Variants in TMCO4 observed in about 807,000 individuals in gnomAD.
TMCO4 encodes the protein transmembrane and coiled-coil domain-containing protein 4.
In TMCO4, 58 loss-of-function variants were observed where a neutral mutation model predicts 64.7. The ratio of observed to expected loss-of-function variants is 0.90; its 90% confidence interval spans 0.73 to 1.12. The LOEUF (loss-of-function observed/expected upper bound fraction) is 1.12. Ranked by LOEUF, TMCO4 falls within the 50% of genes most tolerant of loss-of-function variation. The pLI, the probability that TMCO4 is intolerant of heterozygous loss-of-function variation, is 0.00. For synonymous variants in TMCO4, 325 were observed against 346.1 expected, an observed-to-expected ratio of 0.94 and a Z score of 0.68; for missense variants, 780 against 825.9, an observed-to-expected ratio of 0.94 and a Z score of 0.68.
At chr1:19,728,483 A>AT (rs1278159457) in intron 13 of TMCO4, among the ~76,000 whole-genome samples, 1 of 152,160 alleles carries the variant, frequency 6.6e-6, no homozygotes, top group South Asian at 2.1e-4. Context: ...GGCAGCTCTG[A>AT]TTTTCAAGGC....
At chr1:19,707,449 C>T (rs1397426296) in intron 13 of TMCO4, among the ~76,000 whole-genome samples, 2 of 152,184 alleles carry the variant, frequency 1.3e-5, no homozygotes, top group East Asian at 3.9e-4. Flanking sequence ...ATGGCAAAAC[C>T]CAGTCTCTAC....
intron 4 of TMCO4, among the ~76,000 whole-genome samples, chr1:19,777,044 A>AG (rs1557608574): frequency 6.6e-6 from 1 of 151,430 alleles, no homozygotes; most frequent in Non-Finnish European, 1.5e-5. Context: ...AAAAAAAAAA[A>AG]AAAAAGAAAA....
intron 15 of TMCO4, among the ~76,000 whole-genome samples, chr1:19,686,455 A>G (rs903908476): frequency 5.3e-5 from 8 of 152,310 alleles, no homozygotes; most frequent in African/African-American, 1.9e-4. Context: ...TGCAAATCAC[A>G]CTGTATTAAT....
chr1:19,750,119 C>T (rs1251267261), intron 7 of TMCO4: 1 of 152,176 alleles, frequency 6.6e-6, no homozygotes, highest in Non-Finnish European at 1.5e-5. Flanking sequence ...TCACTCTTTT[C>T]ATTATTATTG....
rs974390036 is a variant in TMCO4, at chr1:19,737,630, C to T, written c.1180-174G>A. Among the ~76,000 whole-genome samples, 10 of 152,226 alleles carry T rather than the reference C, an allele frequency of 6.6e-5. No individual in the cohort carries two copies. The South Asian group carries it at 8.3e-4, about 13-fold the overall frequency. ...GATGTCTTAATCAGCAGAGTCAGGA[C>T]CCTCATTTATGCAGGAGTGCACCTG... is the stretch of plus-strand genomic sequence containing the variant. On this transcript the variant is annotated intron_variant, in intron 12 of 15. Transcript: ENST00000294543.
chr1:19,754,602 G>T (rs531846733), intron 7 of TMCO4, among the ~76,000 whole-genome samples: 2 of 152,184 alleles, frequency 1.3e-5, no homozygotes, highest in Non-Finnish European at 2.9e-5. Flanking sequence ...CCTGGGAGAC[G>T]TGCCTGGTGC....
intron 13 of TMCO4, among the ~76,000 whole-genome samples, chr1:19,720,927 T>TCAG (rs1300783482): frequency 6.6e-6 from 1 of 152,012 alleles, no homozygotes; most frequent in Admixed American, 6.6e-5. Flanking sequence ...GGCTTGATGA[T>TCAG]CAGGGAATCT....
intron 14 of TMCO4, among the ~76,000 whole-genome samples, chr1:19,698,808 C>CAACAG (rs2095252962): frequency 6.6e-6 from 1 of 152,240 alleles, no homozygotes; most frequent in Admixed American, 6.5e-5. Context: ...CTCAGGTTCT[C>CAACAG]AACAGAACAG....
chr1:19,706,104 A>G (rs1460571734), intron 13 of TMCO4, among the ~76,000 whole-genome samples: 2 of 151,880 alleles, frequency 1.3e-5, no homozygotes, highest in African/African-American at 4.8e-5. Context: ...AGGTCTTGCT[A>G]TGTTGCCCAG....
intron 8 of TMCO4, among the ~76,000 whole-genome samples, chr1:19,746,923 CA>C (rs199888917): frequency 0.027 from 1,339 of 49,814 alleles, 8 homozygotes; most frequent in African/African-American, 0.052. Flanking sequence ...GATACTGTCT[CA>C]AAAAAAAAAA....
Position 19,743,044 on chromosome 1 carries a change from G to A in TMCO4, c.878-2103C>T, listed in dbSNP as rs1026001564. Among the ~76,000 whole-genome samples, 5 of 152,062 alleles carry A rather than the reference G, an allele frequency of 3.3e-5. No individual in the cohort carries two copies. The highest frequency in any genetic ancestry group is 2.0e-4 in the Admixed American group (3 of 15,282). On this transcript the variant is annotated intron_variant, in intron 10 of 15. Transcript: ENST00000294543. This position sits in a 1 kb window ranked among gnomAD's most constrained non-coding sequence, Gnocchi z 4.1. ...CAGCCTGGTGATACAGCAAGACTCCGTCTCCAAAAGAAAATAAAAATAAAA... is the reference window on the plus strand; with the variant it reads ...CAGCCTGGTGATACAGCAAGACTCCATCTCCAAAAGAAAATAAAAATAAAA...
chr1:19,691,918 G>T lies in TMCO4; in HGVS notation c.1500+2516C>A, dbSNP rs56873851. ...TCCTGAGATCCAATGGTTTTATAAG[G>T]AGAAACCCCTTTCACTTGGTTCTCT... On this transcript the variant is annotated intron_variant, in intron 15 of 15. Coordinates refer to ENST00000294543, the MANE Select transcript of TMCO4 (RefSeq NM_181719.7). 6.0e-3 allele frequency among the ~76,000 whole-genome samples: 908 copies of T among 152,262 alleles called. 9 individuals are homozygous for T. Among genetic ancestry groups the T allele is most frequent in the African/African-American group, 0.021 (872 of 41,544 alleles).
At chr1:19,714,124 A>G (rs922693734) in intron 13 of TMCO4, among the ~76,000 whole-genome samples, 9 of 152,140 alleles carry the variant, frequency 5.9e-5, no homozygotes, top group African/African-American at 2.2e-4. Flanking sequence ...TTTAGTAGAA[A>G]CGGGTTTTCA....
intron 4 of TMCO4, among the ~76,000 whole-genome samples, chr1:19,774,893 C>T (rs143605587): frequency 1.6e-4 from 25 of 152,282 alleles, no homozygotes; most frequent in Middle Eastern, 3.4e-3. Context: ...ACGCCTACAT[C>T]TCTGGGACCC....
chr1:19,754,578 A>G (rs2042160987), intron 7 of TMCO4, among the ~76,000 whole-genome samples: 2 of 151,958 alleles, frequency 1.3e-5, no homozygotes. Flanking sequence ...CACGGCAGCT[A>G]AAAAAAACCC....
At chr1:19,709,205 C>G (rs148433551) in intron 13 of TMCO4, among the ~76,000 whole-genome samples, 1 of 152,130 alleles carries the variant, frequency 6.6e-6, no homozygotes, top group African/African-American at 2.4e-5. Context: ...AAGGGAATGA[C>G]TAAACCTTCA....
intron 2 of TMCO4, among the ~76,000 whole-genome samples, chr1:19,794,359 T>G (rs1176896941): frequency 6.6e-6 from 1 of 152,222 alleles, no homozygotes; most frequent in Non-Finnish European, 1.5e-5. Context: ...ATTGATCGCT[T>G]ATCTTCGATC....
At chr1:19,772,009 G>T (rs1229800106) in intron 4 of TMCO4, among the ~76,000 whole-genome samples, 2 of 152,170 alleles carry the variant, frequency 1.3e-5, no homozygotes, top group African/African-American at 2.4e-5. Flanking sequence ...TATCAAAGAG[G>T]CTGATAAGCC....
chr1:19,730,440 G>A (rs10917526), intron 13 of TMCO4, among the ~76,000 whole-genome samples: 14,053 of 152,300 alleles, frequency 0.092, 692 homozygotes, highest in African/African-American at 0.11. Context: ...CACTGTGAAT[G>A]CTGATAACAT....
Sources: gnomAD v4.1 joint callset for allele counts (sites outside exome capture counted in the v4.1 genomes callset) on GRCh38, gnomAD v4.1.1 for gene constraint, Gnocchi (gnomAD v3.1) non-coding constraint, MANE v1.5 for transcripts, NCBI Gene and HGNC (gene_info 2026-07-23, HGNC 2026-07-21) for gene names.